Variants in LINGO1 observed in about 807,000 individuals in gnomAD.
The protein encoded by LINGO1 is leucine-rich repeat and immunoglobulin-like domain-containing nogo receptor-interacting protein 1.
A neutral mutation model predicts 37.3 loss-of-function variants in LINGO1; 11 were observed. That is an observed-to-expected ratio of 0.29 (90% CI 0.19 to 0.49). The LOEUF (loss-of-function observed/expected upper bound fraction) is 0.49. LINGO1 is among the 20% of genes least tolerant of loss of function. The pLI is 0.99. For synonymous variants in LINGO1, 387 were observed against 403.0 expected, an observed-to-expected ratio of 0.96 and a Z score of 0.48; for missense variants, 585 against 878.2, an observed-to-expected ratio of 0.67 and a Z score of 4.22.
At chr15:77,639,247 C>T (rs1262064904), upstream of LINGO1, among the ~76,000 whole-genome samples, 3 of 152,256 alleles carry the variant, frequency 2.0e-5, no homozygotes, top group East Asian at 3.9e-4. Flanking sequence ...CTTACTGAAA[C>T]TGGGAGGTAA....
At chr15:77,671,301 A>AAGAGGGGAGAAGAGGGC (rs371559171) in intron 3 of LINGO1, among the ~76,000 whole-genome samples, 5 of 152,030 alleles carry the variant, frequency 3.3e-5, no homozygotes, top group Admixed American at 3.3e-4. Context: ...GAGAAGAGGG[A>AAGAGGGGAGAAGAGGGC]GAAGGTAGAG....
intron 2 of LINGO1, among the ~76,000 whole-genome samples, chr15:77,684,262 T>A (rs6495242): frequency 0.053 from 8,107 of 152,220 alleles, 742 homozygotes; most frequent in African/African-American, 0.18. Flanking sequence ...TTGCATTGTA[T>A]TGACTCATTG....
intron 1 of LINGO1, among the ~76,000 whole-genome samples, chr15:77,801,758 A>C (rs2076920690): frequency 6.6e-6 from 1 of 152,060 alleles, no homozygotes; most frequent in African/African-American, 2.4e-5. Flanking sequence ...GGGCTCTAGG[A>C]CCAGTTTGAG....
chr15:77,699,499 A>ATCATCTG (rs2075743803), upstream of LINGO1, among the ~76,000 whole-genome samples: 9 of 4,988 alleles, frequency 1.8e-3, no homozygotes, highest in Admixed American at 4.3e-3. Flanking sequence ...CATCATCTCC[A>ATCATCTG]CACACAATAA....
chr15:77,655,568 T>C (rs895911350), intron 3 of LINGO1, among the ~76,000 whole-genome samples: 1 of 151,994 alleles, frequency 6.6e-6, no homozygotes, highest in African/African-American at 2.4e-5. Flanking sequence ...ACCATACCAA[T>C]AGCAGCTGCC....
chr15:77,617,952 T>C (rs1426146158), intron 1 of LINGO1, among the ~76,000 whole-genome samples: 2 of 152,150 alleles, frequency 1.3e-5, no homozygotes, highest in Admixed American at 1.3e-4. Context: ...TCATCCTCTC[T>C]CCAGGCTCTT....
intron 1 of LINGO1, among the ~76,000 whole-genome samples, chr15:77,752,783 G>C (rs1317953251): frequency 1.3e-5 from 2 of 152,296 alleles, no homozygotes; most frequent in East Asian, 3.9e-4. Context: ...ACAGAGGCCA[G>C]CCCCTCATAG....
chr15:77,794,446 ACG>A (rs2076850284), intron 2 of LINGO1, among the ~76,000 whole-genome samples: 3 of 59,444 alleles, frequency 5.0e-5, no homozygotes, highest in African/African-American at 2.0e-4. Context: ...ATACATATAT[ACG>A]TATATATGTG....
intron 1 of LINGO1, among the ~76,000 whole-genome samples, chr15:77,747,575 T>C (rs894145205): frequency 1.3e-5 from 2 of 152,006 alleles, no homozygotes; most frequent in Non-Finnish European, 2.9e-5. Flanking sequence ...AGCTGTAGAG[T>C]GAGCACACTC....
In LINGO1 at chr15:77,632,250, C is replaced by A. The variant is rs1439319457; in HGVS notation, c.6+60G>T. The A allele has an allele frequency of 7.5e-6, 10 of 1,333,648 alleles. No individual in the cohort carries two copies. The highest frequency in any genetic ancestry group is 9.5e-7 in the Non-Finnish European group (1 of 1,048,188). 82.6% of individuals were successfully genotyped at this position (1,333,648 alleles called of 1,614,324 possible). A position where few individuals can be genotyped will look rare whatever the true frequency, so the allele number is the denominator to read the frequency against. Reference sequence around the variant, plus strand: ...GGCGCAGCCAGGGCCGATGGCGGCCCCCAGGGGCACTCGCCGCGGGGCTGC... The same window carrying A: ...GGCGCAGCCAGGGCCGATGGCGGCCACCAGGGGCACTCGCCGCGGGGCTGC... On this transcript the variant is annotated intron_variant, in intron 1 of 1. Coordinates refer to ENST00000355300, the MANE Select transcript of LINGO1 (RefSeq NM_032808.7). This position sits in a 1 kb window ranked among gnomAD's most constrained non-coding sequence, Gnocchi z 6.0.
chr15:77,776,628 G>A (rs1467056471), intron 1 of LINGO1, among the ~76,000 whole-genome samples: 3 of 151,932 alleles, frequency 2.0e-5, no homozygotes, highest in Non-Finnish European at 2.9e-5. Flanking sequence ...CAGCCACCAT[G>A]TCCTCCATGG....
At chr15:77,816,904 G>C (rs547292198) in intron 1 of LINGO1, among the ~76,000 whole-genome samples, 8 of 152,286 alleles carry the variant, frequency 5.3e-5, no homozygotes, top group African/African-American at 1.7e-4. Context: ...ATGTCAACCA[G>C]AGCTTTGGTC....
In LINGO1 at chr15:77,615,031, G is replaced by A; in HGVS notation, c.876C>T (p.Leu292=). 3 of 1,614,036 alleles carry A rather than the reference G, an allele frequency of 1.9e-6. 1 individual carries two copies. Among genetic ancestry groups the A allele is most frequent in the Non-Finnish European group, 2.5e-6 (3 of 1,179,898 alleles). Residue 292 remains leucine, a synonymous_variant, in exon 2 of 2, where the codon CTC becomes CTT. Coordinates refer to ENST00000355300, the MANE Select transcript of LINGO1 (RefSeq NM_032808.7). ...TGCTGATGGGGTTGTAGGAGAGGTT[G>A]AGGAAGCGGAGATAGACTAGGTGGC... is the stretch of plus-strand genomic sequence containing the variant. ...AVRHLVYLRF[L]NLSYNPISTI... is the part of the protein sequence containing the mutation.
At chr15:77,792,222 C>T (rs2141446685) in intron 2 of LINGO1, among the ~76,000 whole-genome samples, 1 of 152,366 alleles carries the variant, frequency 6.6e-6, no homozygotes, top group East Asian at 1.9e-4. Flanking sequence ...CATTCCCAGG[C>T]TGGCCCTCTC....
intron 2 of LINGO1, chr15:77,720,713 T>C (rs769575815): frequency 4.0e-5 from 6 of 151,788 alleles, no homozygotes; most frequent in Non-Finnish European, 8.8e-5. Context: ...TCCCTTCCCC[T>C]CTCGGGCACC....
At chr15:77,652,187 A>AAATC (rs1184517614) in intron 3 of LINGO1, 4 of 152,220 alleles carry the variant, frequency 2.6e-5, no homozygotes, top group Non-Finnish European at 5.9e-5. Flanking sequence ...GTGAATCAGA[A>AAATC]AATCAATGGG....
chr15:77,702,465 T>C (rs753522357), intron 2 of LINGO1, among the ~76,000 whole-genome samples: 1 of 152,058 alleles, frequency 6.6e-6, no homozygotes, highest in Non-Finnish European at 1.5e-5. Context: ...GGGAGGAGGC[T>C]TTGCCTCCTT....
At chr15:77,711,502 G>A (rs1232127562) in intron 2 of LINGO1, among the ~76,000 whole-genome samples, 4 of 152,330 alleles carry the variant, frequency 2.6e-5, no homozygotes, top group African/African-American at 9.6e-5. Context: ...GCTGCTGAAT[G>A]AGTGTTGGTA....
chr15:77,676,759 C>T (rs901201940), intron 3 of LINGO1, among the ~76,000 whole-genome samples: 5 of 152,226 alleles, frequency 3.3e-5, no homozygotes, highest in Non-Finnish European at 5.9e-5. Context: ...AAAACAAAGC[C>T]TGAGCAAAGA....
Sources: gnomAD v4.1 joint callset for allele counts (sites outside exome capture counted in the v4.1 genomes callset) on GRCh38, gnomAD v4.1.1 for gene constraint, Gnocchi (gnomAD v3.1) non-coding constraint, MANE v1.5 for transcripts, NCBI Gene and HGNC (gene_info 2026-07-23, HGNC 2026-07-21) for gene names.